Variants in KCNQ3 observed in about 807,000 individuals in gnomAD.
KCNQ3 encodes the protein potassium voltage-gated channel subfamily Q member 3, also known as potassium voltage-gated channel subfamily KQT member 3.
Under a neutral mutation model 92.5 loss-of-function variants are expected in KCNQ3, and 30 were observed. The ratio of observed to expected loss-of-function variants is 0.32; its 90% CI spans 0.24 to 0.44. The LOEUF (loss-of-function observed/expected upper bound fraction) is 0.44, where lower values mean the gene tolerates loss of function less well. KCNQ3 is among the 20% of genes least tolerant of loss of function. The probability of loss-of-function intolerance (pLI) is 1.00; values close to 1 mark genes in which losing one functional copy is unlikely to be tolerated. For synonymous variants in KCNQ3, 450 were observed against 468.8 expected, an observed-to-expected ratio of 0.96 and a Z score of 0.52; for missense variants, 913 against 1,140.3, an observed-to-expected ratio of 0.80 and a Z score of 2.87.
chr8:132,419,496 G>A (rs903183803), intron 1 of KCNQ3, among the ~76,000 whole-genome samples: 4 of 152,266 alleles, frequency 2.6e-5, no homozygotes, highest in African/African-American at 9.6e-5. Flanking sequence ...TGATTCCTGA[G>A]ACCAGACAGA....
At chr8:132,442,004 T>C (rs551096100) in intron 1 of KCNQ3, among the ~76,000 whole-genome samples, 4 of 152,180 alleles carry the variant, frequency 2.6e-5, no homozygotes, top group African/African-American at 4.8e-5. Context: ...TGTTCTCACT[T>C]ATAAGTGAGA....
intron 1 of KCNQ3, among the ~76,000 whole-genome samples, chr8:132,206,758 T>G (rs1737102875): frequency 6.6e-6 from 1 of 152,166 alleles, no homozygotes; most frequent in Admixed American, 6.5e-5. Flanking sequence ...CTGGTTACGG[T>G]TTTTCATTTT....
At chr8:132,201,687 C>T (rs1385220852) in intron 1 of KCNQ3, among the ~76,000 whole-genome samples, 1 of 152,192 alleles carries the variant, frequency 6.6e-6, no homozygotes, top group African/African-American at 2.4e-5. Context: ...AGGACAGACC[C>T]TCCAGGCCGT....
intron 1 of KCNQ3, among the ~76,000 whole-genome samples, chr8:132,247,787 A>G (rs1030422761): frequency 6.6e-6 from 1 of 151,172 alleles, no homozygotes; most frequent in Non-Finnish European, 1.5e-5. Context: ...AACAAGAACA[A>G]AACTCCCTCT....
chr8:132,212,257 C>CT (rs1813885616), intron 1 of KCNQ3, among the ~76,000 whole-genome samples: 2 of 152,210 alleles, frequency 1.3e-5, no homozygotes, highest in South Asian at 4.2e-4. Context: ...ATTCCTATGG[C>CT]TTCAGACAAA....
At chr8:132,150,227 G>A (rs1825594101) in intron 9 of KCNQ3, among the ~76,000 whole-genome samples, 2 of 152,200 alleles carry the variant, frequency 1.3e-5, no homozygotes, top group Middle Eastern at 3.2e-3. Context: ...TTTCTGTATG[G>A]CTGGTAGCAA....
chr8:132,191,949 C>G (rs2130220954), intron 1 of KCNQ3, among the ~76,000 whole-genome samples: 1 of 152,234 alleles, frequency 6.6e-6, no homozygotes, highest in African/African-American at 2.4e-5. Flanking sequence ...GCCAGCAGGA[C>G]CGCGAAGATA....
At chr8:132,337,692 T>C (rs957193235) in intron 1 of KCNQ3, among the ~76,000 whole-genome samples, 2 of 152,100 alleles carry the variant, frequency 1.3e-5, no homozygotes, top group Non-Finnish European at 2.9e-5. Context: ...ACCTTGCAGT[T>C]TGGAAATCAC....
rs542952078 is a variant in KCNQ3 at position 132,324,749 on chromosome 8, G to A, written c.387-138568C>T. ...ATCAGCCCCATTTTTATAGGCTAAGGCTAGATAGTGACTTCCCAGGGTCTC... is the reference window on the plus strand; with the variant it reads ...ATCAGCCCCATTTTTATAGGCTAAGACTAGATAGTGACTTCCCAGGGTCTC... On this transcript the variant is annotated intron_variant, in intron 1 of 14. Transcript: ENST00000388996. 4.6e-5 allele frequency among the ~76,000 whole-genome samples: 7 copies of A among 152,266 alleles called. No individual in the cohort carries two copies. The South Asian group carries it at 1.5e-3, about 32-fold the overall frequency.
chr8:132,395,057 T>C (rs1820158791), intron 1 of KCNQ3, among the ~76,000 whole-genome samples: 1 of 152,220 alleles, frequency 6.6e-6, no homozygotes, highest in Non-Finnish European at 1.5e-5. Flanking sequence ...GTAGTGCTAA[T>C]AGGTGCTTCA....
intron 9 of KCNQ3, among the ~76,000 whole-genome samples, chr8:132,161,089 A>G (rs1336450084): frequency 6.6e-6 from 1 of 152,174 alleles, no homozygotes; most frequent in Non-Finnish European, 1.5e-5. Context: ...TCCACAGACA[A>G]GTCCACGTAA....
At chr8:132,171,001 G>A (rs990755389) in intron 7 of KCNQ3, among the ~76,000 whole-genome samples, 23 of 151,956 alleles carry the variant, frequency 1.5e-4, no homozygotes, top group Admixed American at 3.9e-4. Context: ...CCTGGGTATA[G>A]AGTAAAAGAC....
At chr8:132,478,957 T>C (rs1012720618) in intron 1 of KCNQ3, among the ~76,000 whole-genome samples, 1 of 138,798 alleles carries the variant, frequency 7.2e-6, no homozygotes, top group African/African-American at 2.7e-5. Context: ...AATCCACTGC[T>C]AAACGCGTGG....
intron 1 of KCNQ3, among the ~76,000 whole-genome samples, chr8:132,384,845 G>A (rs559893478): frequency 1.3e-5 from 2 of 152,282 alleles, no homozygotes; most frequent in South Asian, 4.1e-4. Context: ...TCTGTAAAAT[G>A]GAAACACTGA....
chr8:132,305,949 G>A (rs1260359320), intron 1 of KCNQ3, among the ~76,000 whole-genome samples: 1 of 151,844 alleles, frequency 6.6e-6, no homozygotes, highest in African/African-American at 2.4e-5. Context: ...ATGACAGATA[G>A]TGCAACTTAT....
intron 1 of KCNQ3, among the ~76,000 whole-genome samples, chr8:132,381,620 C>T (rs1256817948): frequency 6.6e-6 from 1 of 152,204 alleles, no homozygotes. Context: ...CAACAAATAA[C>T]TTATTGAGCA....
chr8:132,355,690 C>T (rs1484187754), intron 1 of KCNQ3, among the ~76,000 whole-genome samples: 1 of 152,164 alleles, frequency 6.6e-6, no homozygotes, highest in Non-Finnish European at 1.5e-5. Context: ...TCTGAGTGTT[C>T]CCCTGGTTTC....
intron 9 of KCNQ3, among the ~76,000 whole-genome samples, chr8:132,159,318 G>A (rs1478217328): frequency 1.3e-5 from 2 of 152,112 alleles, no homozygotes; most frequent in Non-Finnish European, 2.9e-5. Context: ...GGAAAAAAGG[G>A]CCCTATTCTT....
intron 1 of KCNQ3, among the ~76,000 whole-genome samples, 153 bp downstream of exon 1, chr8:132,479,990 ACACC>A (rs1822509379): frequency 6.8e-6 from 1 of 147,696 alleles, no homozygotes. Context: ...ACACACACAC[ACACC>A]CAGGGAAACG....
Sources: allele counts gnomAD v4.1 joint callset (sites outside exome capture counted in the v4.1 genomes callset), GRCh38; gene constraint gnomAD v4.1.1; transcripts MANE v1.5; gene names NCBI Gene and HGNC (gene_info 2026-07-23, HGNC 2026-07-21).